Variants in ELAPOR1 observed in about 807,000 individuals in gnomAD.
The protein encoded by ELAPOR1 is endosome/lysosome-associated apoptosis and autophagy regulator 1.
In ELAPOR1, 77 loss-of-function variants were observed where a neutral mutation model predicts 119.7. The ratio of observed to expected loss-of-function variants is 0.64; its 90% CI spans 0.54 to 0.78. The LOEUF (loss-of-function observed/expected upper bound fraction) is 0.78. Ranked by LOEUF, ELAPOR1 falls within the 30% of genes least tolerant of loss-of-function variation. The pLI, the probability that ELAPOR1 is intolerant of heterozygous loss-of-function variation, is 0.00. For missense variants in ELAPOR1, 1,115 were observed against 1,270.4 expected, an observed-to-expected ratio of 0.88 and a Z score of 1.86; for synonymous variants, 481 against 487.2, an observed-to-expected ratio of 0.99 and a Z score of 0.17.
intron 1 of ELAPOR1, among the ~76,000 whole-genome samples, chr1:109,121,308 G>A (rs544673107): frequency 3.8e-4 from 57 of 151,828 alleles, no homozygotes; most frequent in African/African-American, 1.4e-3. Flanking sequence ...CATCACTCCC[G>A]GCTAATTTTT....
chr1:109,201,273 T>G (rs1035492699), intron 21 of ELAPOR1: 1 of 455,482 alleles, frequency 2.2e-6, no homozygotes, highest in Non-Finnish European at 4.4e-6. Context: ...CAACTTCTGA[T>G]AGAAGTCAGG....
intron 8 of ELAPOR1, chr1:109,187,456 T>C: frequency 3.0e-6 from 3 of 997,738 alleles, no homozygotes; most frequent in Non-Finnish European, 3.6e-6. Context: ...TATTCATCCT[T>C]CTTTTCATAT....
At chr1:109,136,768 A>G (rs1468901511) in intron 1 of ELAPOR1, among the ~76,000 whole-genome samples, 1 of 152,228 alleles carries the variant, frequency 6.6e-6, no homozygotes, top group African/African-American at 2.4e-5. Flanking sequence ...ACAGCCTCTG[A>G]CCGTGTGTCC....
intron 1 of ELAPOR1, among the ~76,000 whole-genome samples, chr1:109,118,261 A>C (rs1048737047): frequency 2.6e-5 from 4 of 152,142 alleles, no homozygotes; most frequent in African/African-American, 9.7e-5. Context: ...TAGAGGGAGG[A>C]GCTTGACGAA....
chr1:109,174,161 C>T (rs974208533), intron 7 of ELAPOR1, among the ~76,000 whole-genome samples: 8 of 151,450 alleles, frequency 5.3e-5, no homozygotes, highest in Non-Finnish European at 8.8e-5. Context: ...TACCAGCGTG[C>T]CCCACCACAC....
chr1:109,166,984 C>T lies in ELAPOR1; in HGVS notation c.467+2293C>T. Among the ~76,000 whole-genome samples, 3 of 152,264 alleles carry T rather than the reference C, an allele frequency of 2.0e-5. 1 individual carries two copies. The highest frequency in any genetic ancestry group is 6.8e-3 in the Middle Eastern group (2 of 294). On this transcript the variant is annotated intron_variant, in intron 3 of 21. Coordinates refer to ENST00000369939, the MANE Select transcript of ELAPOR1 (RefSeq NM_020775.5). ...AAGCAGTGGCTATTTAATCTGTAGT[C>T]CAATTTTAATGTTATGTTATTTTAG...
intron 7 of ELAPOR1, 138 bp from the exon 8 acceptor site, chr1:109,184,907 G>A (rs12036884): frequency 0.093 from 65,202 of 704,706 alleles, 5,991 homozygotes; most frequent in East Asian, 0.4. Context: ...GGAAGGGTGA[G>A]TGTGCAGGAT....
chr1:109,164,324 AT>A (rs1220815597), intron 2 of ELAPOR1, among the ~76,000 whole-genome samples, 174 bp from the exon 3 acceptor site: 1 of 152,152 alleles, frequency 6.6e-6, no homozygotes, highest in East Asian at 1.9e-4. Flanking sequence ...TGAAAAAAAA[AT>A]TTTTTTAAGA....
intron 7 of ELAPOR1, among the ~76,000 whole-genome samples, chr1:109,179,564 T>C (rs1652574180): frequency 6.6e-6 from 1 of 152,048 alleles, no homozygotes; most frequent in African/African-American, 2.4e-5. Flanking sequence ...TTCTGTGCTA[T>C]TGTAGGGGCA....
chr1:109,171,084 T>C (rs1270306646), intron 3 of ELAPOR1, among the ~76,000 whole-genome samples: 3 of 152,194 alleles, frequency 2.0e-5, no homozygotes, highest in Non-Finnish European at 2.9e-5. Flanking sequence ...TTGGCAGACC[T>C]GATTTCAGCC....
chr1:109,146,318 C>T (rs908899872), intron 1 of ELAPOR1, among the ~76,000 whole-genome samples: 11 of 88,748 alleles, frequency 1.2e-4, no homozygotes, highest in Non-Finnish European at 2.2e-4. Context: ...GAGACTCTGT[C>T]TCAATTAAAA....
intron 8 of ELAPOR1, chr1:109,186,815 C>A: frequency 1.0e-6 from 1 of 985,610 alleles, no homozygotes. Flanking sequence ...CACGCCAAGG[C>A]CTTCTGGGTC....
chr1:109,191,544 C>G, intron 12 of ELAPOR1, 73 bp downstream of exon 12: 1 of 1,404,412 alleles, frequency 7.1e-7, no homozygotes, highest in Non-Finnish European at 1.0e-6. Flanking sequence ...ATTGGTGTGT[C>G]CACGTGACTG....
chr1:109,144,427 TC>T (rs1650051804), intron 1 of ELAPOR1, among the ~76,000 whole-genome samples: 1 of 152,106 alleles, frequency 6.6e-6, no homozygotes, highest in South Asian at 2.1e-4. Flanking sequence ...TTGATCTCAT[TC>T]TTGAATAATT....
At chr1:109,198,763 A>C (rs1004101405) in intron 18 of ELAPOR1, 89 bp downstream of exon 18, 10 of 1,192,862 alleles carry the variant, frequency 8.4e-6, no homozygotes, top group African/African-American at 1.5e-5. Context: ...AAAAGAGCAA[A>C]AAAGAAAAGA....
At chr1:109,166,226 T>A (rs1247879056) in intron 3 of ELAPOR1, among the ~76,000 whole-genome samples, 1 of 151,804 alleles carries the variant, frequency 6.6e-6, no homozygotes, top group Non-Finnish European at 1.5e-5. Context: ...TTTTTTTGTA[T>A]TTTTTTAGTA....
At chr1:109,162,162 C>A in intron 2 of ELAPOR1, 148 bp downstream of exon 2, 1 of 828,502 alleles carries the variant, frequency 1.2e-6, no homozygotes, top group South Asian at 2.0e-5. Flanking sequence ...CATCCCAGAC[C>A]CTTATGAGAT....
chr1:109,132,291 G>A (rs1444399362), intron 1 of ELAPOR1, among the ~76,000 whole-genome samples: 2 of 151,902 alleles, frequency 1.3e-5, no homozygotes, highest in Non-Finnish European at 2.9e-5. Flanking sequence ...TGGATTACAG[G>A]CATCCGCCAC....
intron 2 of ELAPOR1, among the ~76,000 whole-genome samples, chr1:109,164,270 C>T (rs1570667631): frequency 6.6e-6 from 1 of 152,064 alleles, no homozygotes; most frequent in South Asian, 2.1e-4. Flanking sequence ...CTCTTTTGGC[C>T]GTTCCATACA....
Sources: gnomAD v4.1 joint callset for allele counts (sites outside exome capture counted in the v4.1 genomes callset) on GRCh38, gnomAD v4.1.1 for gene constraint, MANE v1.5 for transcripts, NCBI Gene and HGNC (gene_info 2026-07-23, HGNC 2026-07-21) for gene names.